UGT2A2: variants seen among roughly 807,000 people sequenced by gnomAD.
The protein encoded by UGT2A2 is UDP glucuronosyltransferase family 2 member A2.
In UGT2A2, 60 loss-of-function variants were observed where a neutral mutation model predicts 50.7. That is an observed-to-expected ratio of 1.18 (90% CI 0.96 to 1.47). The LOEUF (loss-of-function observed/expected upper bound fraction) is 1.47, where lower values mean the gene tolerates loss of function less well. Among genes scored for constraint, UGT2A2 ranks in the 40% most tolerant of loss-of-function variants. The pLI, the probability that UGT2A2 is intolerant of heterozygous loss-of-function variation, is 0.00. For missense variants in UGT2A2, 762 were observed against 634.0 expected (o/e 1.20, Z -2.17); for synonymous variants, 242 against 214.6 (o/e 1.13, Z -1.11).
At chr4:69,601,212 C>A (rs1243562769) in intron 1 of UGT2A2, among the ~76,000 whole-genome samples, 1 of 152,130 alleles carries the variant, frequency 6.6e-6, no homozygotes, top group Non-Finnish European at 1.5e-5. Flanking sequence ...TGGAACATTA[C>A]CCCAACAGCC....
At chr4:69,637,928 C>CAGGA (rs989226820) in intron 1 of UGT2A2, among the ~76,000 whole-genome samples, 65 of 117,114 alleles carry the variant, frequency 5.6e-4, no homozygotes, top group African/African-American at 2.1e-3. Flanking sequence ...GGCAGGCAGG[C>CAGGA]AGGAAGGAAG....
rs542223206 is a variant in UGT2A2, at chr4:69,602,459, G to T, written c.743-3065C>A. On this transcript the variant is annotated intron_variant, in intron 1 of 5. Coordinates refer to ENST00000604629, the MANE Select transcript of UGT2A2 (RefSeq NM_001105677.2). ...AATTTTTAGAATAACAAAGATTTAG[G>T]AGTTTATCTATCTATCTATCTATCT... 3.6e-4 allele frequency among the ~76,000 whole-genome samples: 37 copies of T among 103,778 alleles called. 7 individuals are homozygous for T. In the South Asian group the frequency reaches 0.012, roughly 33 times the overall value. 68.1% of individuals were successfully genotyped at this position (103,778 alleles called of 152,430 possible).
chr4:69,611,416 C>A (rs1720041472), intron 1 of UGT2A2, among the ~76,000 whole-genome samples: 1 of 151,300 alleles, frequency 6.6e-6, no homozygotes, highest in South Asian at 2.1e-4. Flanking sequence ...AATGGAAGTC[C>A]TTTTCTACAA....
At chr4:69,596,061 C>A (rs751839440) in intron 3 of UGT2A2, among the ~76,000 whole-genome samples, 189 bp downstream of exon 3, 3 of 152,136 alleles carry the variant, frequency 2.0e-5, no homozygotes, top group Non-Finnish European at 4.4e-5. Context: ...AATGCCAAGG[C>A]TCAGTAGGCA....
At position 69,632,059 on chromosome 4, in the gene UGT2A2, T is replaced by C. The variant is rs1721418467; in HGVS notation, c.742+6840A>G. Among the ~76,000 whole-genome samples the C allele has an allele frequency of 2.0e-5, 3 of 152,230 alleles. No homozygotes were observed. In the South Asian group the frequency reaches 6.2e-4, roughly 32 times the overall value. ...CCTAAAATTGTTCACTTATGTGATG[T>C]ATATTAACTTTATTTTTGAAAGAGA... On this transcript the variant is annotated intron_variant, in intron 1 of 5. Coordinates refer to ENST00000604629, the MANE Select transcript of UGT2A2 (RefSeq NM_001105677.2).
At chr4:69,609,252 A>C (rs953512861) in intron 1 of UGT2A2, among the ~76,000 whole-genome samples, 1 of 151,750 alleles carries the variant, frequency 6.6e-6, no homozygotes, top group African/African-American at 2.4e-5. Context: ...TTATGAGCCC[A>C]AGAAATCCTC....
At chr4:69,633,397 G>C (rs1050962223) in intron 1 of UGT2A2, among the ~76,000 whole-genome samples, 2 of 152,040 alleles carry the variant, frequency 1.3e-5, no homozygotes, top group Non-Finnish European at 2.9e-5. Flanking sequence ...CAACCTTTTG[G>C]GAAACTAAAT....
At chr4:69,629,547 G>T (rs567095900) in intron 1 of UGT2A2, among the ~76,000 whole-genome samples, 114 of 152,148 alleles carry the variant, frequency 7.5e-4, no homozygotes, top group Non-Finnish European at 1.3e-3. Flanking sequence ...GGTAGCTGAG[G>T]TTAGTCAAAC....
chr4:69,594,704 G>C lies in UGT2A2; in HGVS notation c.1112-8C>G. 1 of 1,611,052 alleles carries C rather than the reference G, an allele frequency of 6.2e-7. No individual in the cohort carries two copies. Among genetic ancestry groups the C allele is most frequent in the Non-Finnish European group, 8.5e-7 (1 of 1,178,272 alleles). ...CTTTGGTTTTGGGATGTCCTAATTT[G>C]AGGATGGAGTGAGAAGTGGGTGTGT... On this transcript the variant is annotated splice_polypyrimidine_tract_variant and splice_region_variant and intron_variant, in intron 4 of 5. Coordinates refer to ENST00000604629, the MANE Select transcript of UGT2A2 (RefSeq NM_001105677.2).
intron 1 of UGT2A2, among the ~76,000 whole-genome samples, chr4:69,618,032 T>G (rs1720501392): frequency 6.6e-6 from 1 of 151,972 alleles, no homozygotes; most frequent in African/African-American, 2.4e-5. Flanking sequence ...CCTTAAGAAT[T>G]TATTTGTTTG....
intron 1 of UGT2A2, among the ~76,000 whole-genome samples, chr4:69,628,902 A>T (rs1721236916): frequency 1.3e-5 from 2 of 151,746 alleles, no homozygotes; most frequent in African/African-American, 4.8e-5. Context: ...TATAGTCTAC[A>T]CTGAGAGAGA....
At chr4:69,636,067 A>T (rs1721690210) in intron 1 of UGT2A2, among the ~76,000 whole-genome samples, 1 of 152,156 alleles carries the variant, frequency 6.6e-6, no homozygotes, top group African/African-American at 2.4e-5. Flanking sequence ...CCTCACTGAT[A>T]TAGAAAACAA....
At chr4:69,606,157 C>T (rs187628479) in intron 1 of UGT2A2, among the ~76,000 whole-genome samples, 24,578 of 135,172 alleles carry the variant, frequency 0.18, 5,851 homozygotes, top group Non-Finnish European at 0.22. Context: ...TGATGAACAT[C>T]GAGGCAAAAA....
intron 1 of UGT2A2, chr4:69,599,703 G>C (rs917012765): frequency 1.6e-4 from 33 of 206,824 alleles, no homozygotes; most frequent in Non-Finnish European, 3.0e-4. Flanking sequence ...GAAAGAGAGA[G>C]AGAGAGGAAG....
In UGT2A2 at chr4:69,606,411, T is replaced by C. The variant is rs572898968; in HGVS notation, c.743-7017A>G. ...AAACTCTCAATAAATTAGGTATTGATGGGATGTATCTCAAAATAATAAGAG... is the reference window on the plus strand; with the variant it reads ...AAACTCTCAATAAATTAGGTATTGACGGGATGTATCTCAAAATAATAAGAG... On this transcript the variant is annotated intron_variant, in intron 1 of 5. Transcript: ENST00000604629. 8.8e-5 allele frequency among the ~76,000 whole-genome samples: 12 copies of C among 136,602 alleles called. 1 individual carries two copies. The East Asian group carries it at 2.5e-3, about 28-fold the overall frequency. 89.6% of individuals were successfully genotyped at this position (136,602 alleles called of 152,430 possible).
chr4:69,599,502 T>C, intron 1 of UGT2A2, 108 bp from the exon 2 acceptor site: 2 of 1,487,026 alleles, frequency 1.3e-6, no homozygotes, highest in Non-Finnish European at 1.8e-6. Context: ...AAAAACTGAA[T>C]TAGGTCTTCT....
At chr4:69,609,262 C>T (rs1317812654) in intron 1 of UGT2A2, among the ~76,000 whole-genome samples, 1 of 151,970 alleles carries the variant, frequency 6.6e-6, no homozygotes, top group African/African-American at 2.4e-5. Context: ...AAGAAATCCT[C>T]CTACCTCAGC....
intron 5 of UGT2A2, among the ~76,000 whole-genome samples, chr4:69,589,991 C>T (rs2109870755): frequency 6.6e-6 from 1 of 152,264 alleles, no homozygotes; most frequent in East Asian, 1.9e-4. Flanking sequence ...TGGTACATAA[C>T]CTAATACTGT....
chr4:69,637,433 G>T (rs1721773434), intron 1 of UGT2A2, among the ~76,000 whole-genome samples: 1 of 152,106 alleles, frequency 6.6e-6, no homozygotes, highest in South Asian at 2.1e-4. Flanking sequence ...GTAAGAGTAA[G>T]ATCAAGTTAG....
Sources: gnomAD v4.1 joint callset for allele counts (sites outside exome capture counted in the v4.1 genomes callset) on GRCh38, gnomAD v4.1.1 for gene constraint, MANE v1.5 for transcripts, NCBI Gene and HGNC (gene_info 2026-07-23, HGNC 2026-07-21) for gene names.